Variants in G3BP1 observed in about 807,000 individuals in gnomAD.
The protein encoded by G3BP1 is ras GTPase-activating protein-binding protein 1.
A neutral mutation model predicts 58.6 loss-of-function variants in G3BP1; 35 were observed. The observed-to-expected ratio is 0.60, with a 90% CI of 0.46 to 0.79. The LOEUF (loss-of-function observed/expected upper bound fraction) is 0.79, where lower values mean the gene tolerates loss of function less well. G3BP1 is among the 30% of genes least tolerant of loss of function. The probability of loss-of-function intolerance (pLI) is 0.00; values close to 1 mark genes in which losing one functional copy is unlikely to be tolerated. For synonymous variants in G3BP1, 191 were observed against 195.4 expected (o/e 0.98, Z 0.19); for missense variants, 523 against 580.8 (o/e 0.90, Z 1.02).
intron 11 of G3BP1, 34 bp from the exon 12 acceptor site, chr5:151,803,851 G>A (rs773029171): frequency 7.1e-7 from 1 of 1,407,454 alleles, no homozygotes; most frequent in Non-Finnish European, 1.0e-6. Flanking sequence ...CAGCTCATCA[G>A]TACTCTTAAG....
rs764902207 is a variant in G3BP1 at position 151,797,437 on chromosome 5, C to T, written c.741+9C>T. The T allele has an allele frequency of 6.5e-5, 103 of 1,594,092 alleles. No homozygotes were observed. Among genetic ancestry groups the T allele is most frequent in the South Asian group, 4.4e-4 (39 of 88,224 alleles). On this transcript the variant is annotated intron_variant, in intron 7 of 11. Coordinates refer to ENST00000356245, the MANE Select transcript of G3BP1 (RefSeq NM_005754.3). ...TACAGGAAGACTTGAGGGTATGAAA[C>T]GTGTCTTCATTTTTATTCTATTCCT...
At chr5:151,795,027 C>T (rs1056438293) in intron 5 of G3BP1, among the ~76,000 whole-genome samples, 2 of 152,182 alleles carry the variant, frequency 1.3e-5, no homozygotes, top group Non-Finnish European at 2.9e-5. Context: ...CCTGTAATTC[C>T]AGCACTTTGG....
chr5:151,803,871 C>G lies in G3BP1; in HGVS notation c.1195-14C>G. On this transcript the variant is annotated splice_polypyrimidine_tract_variant and intron_variant, in intron 11 of 11. Coordinates refer to ENST00000356245, the MANE Select transcript of G3BP1 (RefSeq NM_005754.3). ...CATCAGTACTCTTAAGTCTGGTCAC[C>G]TTGATTCTTACAGCCCATCATGTTC... 6.3e-7 allele frequency: 1 copy of G among 1,588,250 alleles called. No homozygotes were observed. The highest frequency in any genetic ancestry group is 8.6e-7 in the Non-Finnish European group (1 of 1,157,182).
chr5:151,773,199 A>G (rs1467798315), intron 1 of G3BP1, among the ~76,000 whole-genome samples: 1 of 152,124 alleles, frequency 6.6e-6, no homozygotes, highest in East Asian at 1.9e-4. Flanking sequence ...AGACTTTTGC[A>G]GAAAGACCTT....
Position 151,811,309 on chromosome 5 carries a change from T to C in G3BP1, c.*7218T>C, listed in dbSNP as rs1763015639. 6.6e-6 allele frequency: 1 copy of C among 152,250 alleles called. No individual in the cohort carries two copies. Among genetic ancestry groups the C allele is most frequent in the Non-Finnish European group, 1.5e-5 (1 of 68,052 alleles). 9.4% of individuals were successfully genotyped at this position (152,250 alleles called of 1,614,324 possible). On this transcript the variant is annotated 3_prime_UTR_variant, in exon 12 of 12. Transcript: ENST00000356245. Reference sequence around the variant, plus strand: ...GGCAGGATCTGTGTCTGAGTCATCTTTGTATCTTGCCTAGCACCTATCAAT... The same window carrying C: ...GGCAGGATCTGTGTCTGAGTCATCTCTGTATCTTGCCTAGCACCTATCAAT...
rs187250945 is a variant in G3BP1, at chr5:151,804,029, C to T, written c.1339C>T (p.Arg447Cys). ...GGGTGGTGGAATGAGAGGCCCTCCCCGTGGAGGCATGGTGCAGAAACCAGG... is the reference window on the plus strand; with the variant it reads ...GGGTGGTGGAATGAGAGGCCCTCCCTGTGGAGGCATGGTGCAGAAACCAGG... ...GLGGGMRGPP[R>C]GGMVQKPGFG... is the part of the protein sequence containing the mutation. The change falls in exon 12 of 12, where the codon CGT becomes TGT. Residue 447 changes from arginine (R) to cysteine (C), a missense_variant. By Grantham distance (180) the Arg-to-Cys change is radical (BLOSUM62 -3). Transcript: ENST00000356245. 33 of 1,613,188 alleles carry T rather than the reference C, an allele frequency of 2.0e-5. No individual in the cohort carries two copies. The highest frequency in any genetic ancestry group is 2.5e-5 in the Non-Finnish European group (30 of 1,179,612).
intron 7 of G3BP1, among the ~76,000 whole-genome samples, chr5:151,797,998 A>G (rs73281667): frequency 9.7e-4 from 148 of 152,304 alleles, no homozygotes; most frequent in African/African-American, 3.5e-3. Context: ...CTGGAAAGGA[A>G]TATAATTTTT....
chr5:151,775,596 C>T (rs1347435414), intron 1 of G3BP1, among the ~76,000 whole-genome samples: 1 of 152,230 alleles, frequency 6.6e-6, no homozygotes, highest in Non-Finnish European at 1.5e-5. Context: ...TTATGCAAAG[C>T]CATAGGCTGT....
Position 151,800,760 on chromosome 5 carries a change from G to A in G3BP1, c.1085G>A (p.Ser362Asn), listed in dbSNP as rs200853817. 1.3e-6 allele frequency: 2 copies of A among 1,592,294 alleles called. No individual in the cohort carries two copies. The highest frequency in any genetic ancestry group is 2.2e-5 in the East Asian group (1 of 44,734). Residue 362 changes from serine (S) to asparagine (N), a missense_variant and splice_region_variant, in exon 11 of 12, where the codon AGT becomes AAT. Ser to Asn is a conservative substitution (Grantham distance 46). Coordinates refer to ENST00000356245, the MANE Select transcript of G3BP1 (RefSeq NM_005754.3). Reference protein sequence around the residue: ...DKSELKDFFQSYGNVVELRIN... With the variant: ...DKSELKDFFQNYGNVVELRIN... Reference sequence around the variant, plus strand: ...ATCTGAGAATGTGTTTCACTTGCAGGTTATGGAAACGTGGTGGAGTTGCGC... The same window carrying A: ...ATCTGAGAATGTGTTTCACTTGCAGATTATGGAAACGTGGTGGAGTTGCGC...
chr5:151,788,539 C>T (rs1037932626), intron 2 of G3BP1, among the ~76,000 whole-genome samples: 1 of 149,242 alleles, frequency 6.7e-6, no homozygotes, highest in South Asian at 2.1e-4. Context: ...GCTAGGACTA[C>T]AGGCATGCAC....
At chr5:151,801,576 T>C (rs1410095671) in intron 11 of G3BP1, among the ~76,000 whole-genome samples, 2 of 152,172 alleles carry the variant, frequency 1.3e-5, no homozygotes, top group Admixed American at 1.3e-4. Context: ...TTAATTGCAT[T>C]TAGAACACAT....
At chr5:151,797,084 CAGAT>C (rs999205059) in intron 6 of G3BP1, 139 bp from the exon 7 acceptor site, 4 of 730,098 alleles carry the variant, frequency 5.5e-6, no homozygotes, top group African/African-American at 3.6e-5. Flanking sequence ...TTTAAAAACT[CAGAT>C]AGATATACAA....
chr5:151,776,408 T>A (rs1762371462), intron 1 of G3BP1, among the ~76,000 whole-genome samples: 1 of 152,192 alleles, frequency 6.6e-6, no homozygotes, highest in Non-Finnish European at 1.5e-5. Context: ...GGCTCTACTT[T>A]CTAGAGGGAG....
intron 1 of G3BP1, among the ~76,000 whole-genome samples, chr5:151,783,738 C>A (rs1762511928): frequency 6.6e-6 from 1 of 151,754 alleles, no homozygotes; most frequent in Non-Finnish European, 1.5e-5. Flanking sequence ...AGTGTGTGAT[C>A]TTTGATCAGT....
At chr5:151,779,017 C>T (rs753806291) in intron 1 of G3BP1, among the ~76,000 whole-genome samples, 35 of 151,658 alleles carry the variant, frequency 2.3e-4, no homozygotes, top group Non-Finnish European at 2.8e-4. Context: ...CACTGCACTC[C>T]AGCCTGGGCG....
At chr5:151,781,722 A>G (rs1466839468) in intron 1 of G3BP1, among the ~76,000 whole-genome samples, 1 of 151,732 alleles carries the variant, frequency 6.6e-6, no homozygotes, top group Non-Finnish European at 1.5e-5. Flanking sequence ...AACATATACA[A>G]TACTGAAAAT....
intron 2 of G3BP1, among the ~76,000 whole-genome samples, 192 bp from the exon 3 acceptor site, chr5:151,790,131 T>G (rs1477406793): frequency 3.2e-5 from 4 of 123,308 alleles, no homozygotes; most frequent in East Asian, 2.3e-4. Flanking sequence ...AAAAAAAAAA[T>G]GTGCACATCA....
intron 2 of G3BP1, 22 bp downstream of exon 2, chr5:151,786,737 T>C (rs371277041): frequency 2.3e-6 from 3 of 1,328,364 alleles, no homozygotes; most frequent in Non-Finnish European, 3.3e-6. Context: ...TTCTCCTGCA[T>C]CATCTAATGC....
chr5:151,772,923 CAA>C (rs532276983), intron 1 of G3BP1, among the ~76,000 whole-genome samples: 4 of 152,318 alleles, frequency 2.6e-5, no homozygotes, highest in Admixed American at 2.6e-4. Flanking sequence ...TCCAGGGAGA[CAA>C]GGGTTGGAAG....
Sources: gnomAD v4.1 joint callset for allele counts (sites outside exome capture counted in the v4.1 genomes callset) on GRCh38, gnomAD v4.1.1 for gene constraint, MANE v1.5 for transcripts, NCBI Gene and HGNC (gene_info 2026-07-23, HGNC 2026-07-21) for gene names.